The following NCAM2 variants were observed in gnomAD, a reference collection of about 807,000 sequenced individuals.
The protein encoded by NCAM2 is neural cell adhesion molecule 2, also known as N-CAM-2.
Under a neutral mutation model 98.1 loss-of-function variants are expected in NCAM2, and 30 were observed. That is an observed-to-expected ratio of 0.31 (90% CI 0.23 to 0.41). The LOEUF is 0.41. Among genes scored for constraint, NCAM2 ranks in the 10% least tolerant of loss-of-function variants. NCAM2 has a pLI of 1.00. For missense variants in NCAM2, 867 were observed against 1,005.8 expected, an observed-to-expected ratio of 0.86 and a Z score of 1.87; for synonymous variants, 368 against 342.4, an observed-to-expected ratio of 1.07 and a Z score of -0.83.
At chr21:21,088,337 A>G (rs1222152086) in intron 1 of NCAM2, among the ~76,000 whole-genome samples, 2 of 152,224 alleles carry the variant, frequency 1.3e-5, no homozygotes, top group African/African-American at 4.8e-5. Flanking sequence ...ATTGTTTAAT[A>G]TACTACTATT....
At chr21:21,035,743 G>C (rs1404396527) in intron 1 of NCAM2, among the ~76,000 whole-genome samples, 1 of 152,102 alleles carries the variant, frequency 6.6e-6, no homozygotes, top group Admixed American at 6.6e-5. Flanking sequence ...TATTTGATAA[G>C]AGTGTTTTCC....
Position 21,208,246 on chromosome 21 carries a change from A to G in NCAM2, c.56-72332A>G, listed in dbSNP as rs545560425. Among the ~76,000 whole-genome samples the G allele has an allele frequency of 3.9e-5, 6 of 152,312 alleles. No homozygotes were observed. The South Asian group carries it at 1.2e-3, about 32-fold the overall frequency. On this transcript the variant is annotated intron_variant, in intron 1 of 17. Coordinates refer to ENST00000400546, the MANE Select transcript of NCAM2 (RefSeq NM_004540.5). Reference sequence around the variant, plus strand: ...AAAATGTTTAAAGTGGAATGTAACAATGGACAATGGTGTATGACCTTGAGT... The same window carrying G: ...AAAATGTTTAAAGTGGAATGTAACAGTGGACAATGGTGTATGACCTTGAGT...
rs139855892 is a variant in NCAM2 at position 21,338,545 on chromosome 21, C to T, written c.1044+11C>T. 1 of 1,589,162 alleles carries T rather than the reference C, an allele frequency of 6.3e-7. No homozygotes were observed. The highest frequency in any genetic ancestry group is 8.5e-7 in the Non-Finnish European group (1 of 1,170,424). The stretch of plus-strand genomic sequence containing the variant: ...ACTGAAGGCGATAAGGTAACCACAT[C>T]TCAATATGTAATGGTTTCCATTACC... On this transcript the variant is annotated intron_variant, in intron 8 of 17. Transcript: ENST00000400546.
chr21:21,134,156 C>T (rs1027258440), intron 1 of NCAM2, among the ~76,000 whole-genome samples: 1 of 151,820 alleles, frequency 6.6e-6, no homozygotes, highest in Non-Finnish European at 1.5e-5. Context: ...GCAACCTCCG[C>T]CTCCCGGGTC....
At chr21:21,180,134 A>G (rs1342450233) in intron 1 of NCAM2, among the ~76,000 whole-genome samples, 1 of 152,146 alleles carries the variant, frequency 6.6e-6, no homozygotes, top group Admixed American at 6.6e-5. Flanking sequence ...ACTGATGGCT[A>G]CCATCCAACA....
At chr21:21,398,022 T>A (rs2145858840) in intron 9 of NCAM2, among the ~76,000 whole-genome samples, 1 of 152,342 alleles carries the variant, frequency 6.6e-6, no homozygotes, top group African/African-American at 2.4e-5. Context: ...CCAGCCCAAA[T>A]GTCCATTAAT....
rs1009222890 is a variant in NCAM2, at chr21:21,319,132, C to CA, written c.620-5242dup. ...ACCCTGTATCAAAAAGAAAAACAAA[C>CA]AAAAAAAAATGCAAGCACAGTCAGC... is the stretch of plus-strand genomic sequence containing the variant. On this transcript the variant is annotated intron_variant, in intron 5 of 17. Coordinates refer to ENST00000400546, the MANE Select transcript of NCAM2 (RefSeq NM_004540.5). Among the ~76,000 whole-genome samples, 65 of 150,024 alleles carry CA rather than the reference C, an allele frequency of 4.3e-4. No individual in the cohort carries two copies. The South Asian group carries it at 8.0e-3, about 19-fold the overall frequency.
chr21:21,264,937 G>C (rs1228645754), intron 1 of NCAM2, among the ~76,000 whole-genome samples: 3 of 17,978 alleles, frequency 1.7e-4, no homozygotes, highest in Non-Finnish European at 4.1e-4. Context: ...ACATATATAT[G>C]TGTGTGTATA....
intron 1 of NCAM2, among the ~76,000 whole-genome samples, chr21:21,253,190 C>G (rs2071536121): frequency 6.6e-6 from 1 of 152,144 alleles, no homozygotes; most frequent in Non-Finnish European, 1.5e-5. Context: ...CACATTCTTT[C>G]CTGAATATCA....
chr21:21,102,584 C>T (rs917157162), intron 1 of NCAM2, among the ~76,000 whole-genome samples: 8 of 151,930 alleles, frequency 5.3e-5, no homozygotes, highest in African/African-American at 1.7e-4. Flanking sequence ...GAACACTTTT[C>T]ACTAGTTAAC....
rs539774088 is a variant in NCAM2, at chr21:21,362,187, T to C, written c.1045-11676T>C. 1.1e-4 allele frequency among the ~76,000 whole-genome samples: 16 copies of C among 151,940 alleles called. No individual in the cohort carries two copies. In the South Asian group the frequency reaches 3.3e-3, roughly 32 times the overall value. On this transcript the variant is annotated intron_variant, in intron 8 of 17. Coordinates refer to ENST00000400546, the MANE Select transcript of NCAM2 (RefSeq NM_004540.5). ...AACAGAGTTTGAACACAACAGTGAG[T>C]TCTTAATGCATCCACCCTTGTGCCT...
chr21:21,375,280 A>C (rs575509767), intron 9 of NCAM2, among the ~76,000 whole-genome samples: 11 of 151,742 alleles, frequency 7.2e-5, no homozygotes, highest in African/African-American at 2.7e-4. Context: ...GATCTGTAAC[A>C]ACCTTTTTAA....
At chr21:21,096,042 C>T (rs546054429) in intron 1 of NCAM2, among the ~76,000 whole-genome samples, 1 of 151,630 alleles carries the variant, frequency 6.6e-6, no homozygotes, top group Admixed American at 6.6e-5. Flanking sequence ...CCTCAATTAC[C>T]CTATGGGACT....
intron 11 of NCAM2, among the ~76,000 whole-genome samples, chr21:21,420,386 C>G (rs1024181829): frequency 6.6e-6 from 1 of 151,652 alleles, no homozygotes; most frequent in African/African-American, 2.4e-5. Flanking sequence ...ATAAGGAATC[C>G]TAAAATACAT....
chr21:21,335,807 C>A, intron 7 of NCAM2, 142 bp downstream of exon 7: 1 of 786,148 alleles, frequency 1.3e-6, no homozygotes, highest in Non-Finnish European at 1.7e-6. Context: ...TAAATTTCAG[C>A]TACCAGATAG....
chr21:21,358,575 A>G (rs1309344985), intron 8 of NCAM2, among the ~76,000 whole-genome samples: 1 of 152,096 alleles, frequency 6.6e-6, no homozygotes, highest in Non-Finnish European at 1.5e-5. Context: ...ACAACTACAT[A>G]TAGAATAAGT....
chr21:21,428,257 G>T (rs1459813786), intron 11 of NCAM2, among the ~76,000 whole-genome samples: 1 of 152,116 alleles, frequency 6.6e-6, no homozygotes, highest in East Asian at 1.9e-4. Context: ...GAAAAATATG[G>T]TAACAATGAA....
intron 1 of NCAM2, among the ~76,000 whole-genome samples, chr21:21,227,167 A>G (rs1193439248): frequency 6.6e-6 from 1 of 151,850 alleles, no homozygotes; most frequent in South Asian, 2.1e-4. Flanking sequence ...TGAAAAAATA[A>G]TAAGTAAAGA....
intron 8 of NCAM2, among the ~76,000 whole-genome samples, chr21:21,352,939 C>T (rs890138331): frequency 3.3e-5 from 5 of 151,788 alleles, no homozygotes; most frequent in South Asian, 2.1e-4. Flanking sequence ...CCACAACTTC[C>T]GCTTTTCGGG....
Sources: allele counts gnomAD v4.1 joint callset (sites outside exome capture counted in the v4.1 genomes callset), GRCh38; gene constraint gnomAD v4.1.1; transcripts MANE v1.5; gene names NCBI Gene and HGNC (gene_info 2026-07-23, HGNC 2026-07-21).